KIF9: variants seen among roughly 807,000 people sequenced by gnomAD.
KIF9 encodes the protein kinesin family member 9, also known as kinesin-like protein KIF9.
KIF9 carries 68 observed loss-of-function variants against 94.8 expected under a neutral mutation model. The ratio of observed to expected loss-of-function variants is 0.72; its 90% CI spans 0.59 to 0.88. The LOEUF is 0.88. KIF9 is among the 40% of genes least tolerant of loss of function. The probability of loss-of-function intolerance (pLI) is 0.00; values close to 1 mark genes in which losing one functional copy is unlikely to be tolerated. For missense variants in KIF9, 882 were observed against 982.5 expected (o/e 0.90, Z 1.37); for synonymous variants, 343 against 362.1 (o/e 0.95, Z 0.60).
intron 5 of KIF9, 124 bp downstream of exon 5, chr3:47,271,113 C>G (rs1227976354): frequency 8.2e-6 from 6 of 730,324 alleles, no homozygotes; most frequent in Non-Finnish European, 1.4e-5. Context: ...CAGTATACTC[C>G]AGACTTGGAG....
At chr3:47,233,094 C>T (rs528601607) in intron 20 of KIF9, among the ~76,000 whole-genome samples, 2 of 151,724 alleles carry the variant, frequency 1.3e-5, no homozygotes, top group East Asian at 1.9e-4. Flanking sequence ...GGTGCAGTGG[C>T]TCATATCTGT....
At chr3:47,266,249 C>A (rs1197676863) in intron 7 of KIF9, among the ~76,000 whole-genome samples, 3 of 152,188 alleles carry the variant, frequency 2.0e-5, no homozygotes, top group Non-Finnish European at 4.4e-5. Context: ...AATGCACATA[C>A]AAATGCTCAT....
chr3:47,261,224 CA>C (rs1229017527), intron 9 of KIF9, among the ~76,000 whole-genome samples: 2 of 152,108 alleles, frequency 1.3e-5, no homozygotes, highest in African/African-American at 4.8e-5. Flanking sequence ...AGATTATTTG[CA>C]AAATAGGTAA....
chr3:47,253,663 G>A (rs1190177942), intron 10 of KIF9, among the ~76,000 whole-genome samples: 2 of 152,118 alleles, frequency 1.3e-5, no homozygotes, highest in Non-Finnish European at 2.9e-5. Flanking sequence ...TATATGTGGT[G>A]TAAATAATAG....
At chr3:47,278,926 C>T (rs1489705456) in intron 1 of KIF9, among the ~76,000 whole-genome samples, 1 of 151,744 alleles carries the variant, frequency 6.6e-6, no homozygotes, top group Non-Finnish European at 1.5e-5. Context: ...GAGCTGAGAT[C>T]GCGCCATTGC....
intron 1 of KIF9, 79 bp from the exon 2 acceptor site, chr3:47,277,458 G>A (rs1702055392): frequency 1.0e-6 from 1 of 955,894 alleles, no homozygotes; most frequent in Admixed American, 2.0e-5. Context: ...TCATTAAGAA[G>A]ATCAGAAAAG....
intron 20 of KIF9, among the ~76,000 whole-genome samples, chr3:47,231,134 T>C (rs1559413634): frequency 6.6e-6 from 1 of 151,834 alleles, no homozygotes; most frequent in Non-Finnish European, 1.5e-5. Context: ...TGAAATAAAA[T>C]ACATCTAATC....
intron 1 of KIF9, among the ~76,000 whole-genome samples, chr3:47,280,270 C>T (rs889762600): frequency 6.6e-6 from 1 of 152,186 alleles, no homozygotes; most frequent in African/African-American, 2.4e-5. Context: ...CATCCAAGGG[C>T]CCATTCTCCT....
intron 10 of KIF9, chr3:47,250,394 G>A: frequency 4.9e-6 from 1 of 205,116 alleles, no homozygotes; most frequent in Non-Finnish European, 1.1e-5. Context: ...ATTCCCATCA[G>A]ACTGCAAGCT....
intron 5 of KIF9, among the ~76,000 whole-genome samples, chr3:47,268,700 A>T (rs1279601230): frequency 2.0e-5 from 3 of 149,932 alleles, no homozygotes; most frequent in Non-Finnish European, 3.0e-5. Context: ...CTCCTACCTC[A>T]GCCTCCCAGG....
intron 5 of KIF9, among the ~76,000 whole-genome samples, chr3:47,268,004 T>C (rs1701397302): frequency 1.3e-5 from 2 of 151,814 alleles, no homozygotes; most frequent in African/African-American, 4.8e-5. Flanking sequence ...CCTGAGTAGC[T>C]GGGACTACCA....
At chr3:47,277,056 AATTTAT>A (rs1702020965) in intron 2 of KIF9, 2 of 368,882 alleles carry the variant, frequency 5.4e-6, no homozygotes, top group Non-Finnish European at 9.7e-6. Context: ...TAAACTTATT[AATTTAT>A]TAAAGGTAAA....
In KIF9 at chr3:47,241,035, A is replaced by T. The variant is rs902237239; in HGVS notation, c.1710-20T>A. The T allele has an allele frequency of 6.2e-7, 1 of 1,608,432 alleles. No homozygotes were observed. Among genetic ancestry groups the T allele is most frequent in the Non-Finnish European group, 8.5e-7 (1 of 1,175,044 alleles). The stretch of plus-strand genomic sequence containing the variant: ...TCGGGCCTTGAGATGAAAAGGTGAG[A>T]CCAAAGAGGATAAATGAGGTGGCTG... On this transcript the variant is annotated intron_variant, in intron 16 of 20. Transcript: ENST00000684063.
At position 47,228,554 on chromosome 3, in the gene KIF9, A is replaced by G; in HGVS notation, c.*98T>C. 1 of 976,954 alleles carries G rather than the reference A, an allele frequency of 1.0e-6. No individual in the cohort carries two copies. Among genetic ancestry groups the G allele is most frequent in the South Asian group, 1.3e-5 (1 of 77,160 alleles). The allele number at this position is 976,954 out of a possible 1,614,324, so 60.5% of individuals were successfully genotyped here. On this transcript the variant is annotated 3_prime_UTR_variant, in exon 21 of 21. Coordinates refer to ENST00000684063, the MANE Select transcript of KIF9 (RefSeq NM_182902.4). ...TCTCTGTGCTGGGTCCCAGCATTGGAGTAGAGGGGGCTGCAGCTCTGGGCA... is the reference window on the plus strand; with the variant it reads ...TCTCTGTGCTGGGTCCCAGCATTGGGGTAGAGGGGGCTGCAGCTCTGGGCA...
chr3:47,264,152 A>C, intron 9 of KIF9, 134 bp downstream of exon 9: 1 of 711,748 alleles, frequency 1.4e-6, no homozygotes, highest in Non-Finnish European at 2.6e-6. Context: ...TGTGGCTCAG[A>C]CTCACCCCTG....
At chr3:47,237,587 C>T (rs1699128107) in intron 17 of KIF9, among the ~76,000 whole-genome samples, 1 of 152,310 alleles carries the variant, frequency 6.6e-6, no homozygotes, top group South Asian at 2.1e-4. Context: ...CTCTCCACTG[C>T]TCACAGCACC....
chr3:47,243,005 T>G, intron 16 of KIF9, 46 bp downstream of exon 16: 1 of 1,469,800 alleles, frequency 6.8e-7, no homozygotes, highest in Non-Finnish European at 9.4e-7. Flanking sequence ...GAGGATCACA[T>G]ATGGTTTTGT....
intron 20 of KIF9, among the ~76,000 whole-genome samples, chr3:47,230,587 C>T (rs779471007): frequency 8.6e-5 from 13 of 151,720 alleles, no homozygotes; most frequent in South Asian, 2.1e-4. Context: ...CAAAATTAGC[C>T]GGTAGTGGTG....
chr3:47,236,004 C>T, intron 19 of KIF9, 30 bp downstream of exon 19: 1 of 1,526,760 alleles, frequency 6.5e-7, no homozygotes, highest in Non-Finnish European at 9.1e-7. Context: ...TGTTCAACCA[C>T]TGCCACACCC....
Sources: allele counts gnomAD v4.1 joint callset (sites outside exome capture counted in the v4.1 genomes callset), GRCh38; gene constraint gnomAD v4.1.1; transcripts MANE v1.5; gene names NCBI Gene and HGNC (gene_info 2026-07-23, HGNC 2026-07-21).